SCGB3A2: variants seen among roughly 807,000 people sequenced by gnomAD.
SCGB3A2 encodes the protein secretoglobin family 3A member 2, also known as pneumo secretory protein 1.
In SCGB3A2, 5 loss-of-function variants were observed where a neutral mutation model predicts 7.7. The observed-to-expected ratio is 0.65, with a 90% CI of 0.34 to 1.36. The LOEUF (loss-of-function observed/expected upper bound fraction) is 1.36, where lower values mean the gene tolerates loss of function less well. Ranked by LOEUF, SCGB3A2 falls within the 40% of genes most tolerant of loss-of-function variation. The pLI is 0.04. For synonymous variants in SCGB3A2, 44 were observed against 42.7 expected (o/e 1.03, Z -0.12); for missense variants, 109 against 103.6 (o/e 1.05, Z -0.23).
At chr5:147,881,988 G>A in intron 2 of SCGB3A2, 39 bp from the exon 3 acceptor site, 1 of 1,609,696 alleles carries the variant, frequency 6.2e-7, no homozygotes, top group Non-Finnish European at 8.5e-7. Flanking sequence ...CGAATTACAT[G>A]TAAGCTGCTC....
At chr5:147,881,998 C>G in intron 2 of SCGB3A2, 29 bp from the exon 3 acceptor site, 1 of 1,612,668 alleles carries the variant, frequency 6.2e-7, no homozygotes, top group Non-Finnish European at 8.5e-7. Flanking sequence ...GTAAGCTGCT[C>G]TAAATTTTGT....
intron 1 of SCGB3A2, among the ~76,000 whole-genome samples, chr5:147,879,990 C>A (rs1757319962): frequency 6.6e-6 from 1 of 151,988 alleles, no homozygotes; most frequent in African/African-American, 2.4e-5. Context: ...ATAAATACCG[C>A]CCCCTCTGGG....
intron 2 of SCGB3A2, 128 bp downstream of exon 2, chr5:147,881,776 C>T (rs1048603950): frequency 2.4e-6 from 2 of 820,136 alleles, no homozygotes; most frequent in African/African-American, 3.5e-5. Flanking sequence ...GAAGTTTGCA[C>T]ATCCTGGAAT....
intron 1 of SCGB3A2, among the ~76,000 whole-genome samples, chr5:147,880,077 G>A (rs1757322072): frequency 6.6e-6 from 1 of 151,952 alleles, no homozygotes; most frequent in South Asian, 2.1e-4. Flanking sequence ...AATTTGAATG[G>A]GGAAATAATA....
intron 1 of SCGB3A2, among the ~76,000 whole-genome samples, chr5:147,879,497 C>T (rs1021826291): frequency 5.9e-5 from 9 of 152,194 alleles, no homozygotes; most frequent in Non-Finnish European, 1.0e-4. Context: ...TACTATAATT[C>T]TAGACTACTG....
rs1261602932 is a variant in SCGB3A2 at position 147,878,873 on chromosome 5, T to C, written c.55+15T>C. 1 of 1,578,632 alleles carries C rather than the reference T, an allele frequency of 6.3e-7. No individual in the cohort carries two copies. The highest frequency in any genetic ancestry group is 1.7e-4 in the Middle Eastern group (1 of 6,012). On this transcript the variant is annotated intron_variant, in intron 1 of 2. Transcript: ENST00000296694. ...TAGTTACTCTGGTAAGTAACTGGAA[T>C]ACATCTGGAATATGTGACATTTCTT... is the stretch of plus-strand genomic sequence containing the variant.
rs1480714051 is a variant in SCGB3A2 at position 147,882,059 on chromosome 5, T to G, written c.*9T>G. The G allele has an allele frequency of 6.2e-7, 1 of 1,613,770 alleles. No homozygotes were observed. The highest frequency in any genetic ancestry group is 8.5e-7 in the Non-Finnish European group (1 of 1,179,750). ...TATCACACTTGGTGTGACATCAAGA[T>G]AAAGAGCGGAGGTGGATGGGGATGG... On this transcript the variant is annotated 3_prime_UTR_variant, in exon 3 of 3. Transcript: ENST00000296694.
chr5:147,881,090 C>G (rs1757340716), intron 1 of SCGB3A2: 1 of 222,296 alleles, frequency 4.5e-6, no homozygotes, highest in Non-Finnish European at 8.9e-6. Context: ...CATGGAGCCT[C>G]CATTCTAATG....
chr5:147,881,662 G>A lies in SCGB3A2; in HGVS notation c.258+14G>A. 6.2e-7 allele frequency: 1 copy of A among 1,609,296 alleles called. No individual in the cohort carries two copies. The highest frequency in any genetic ancestry group is 1.1e-5 in the South Asian group (1 of 90,500). The stretch of plus-strand genomic sequence containing the variant: ...AAGAAACTGCTGGTAACCACAGCTT[G>A]GGAGGCTAATCTGCCAAAGGGGAGG... On this transcript the variant is annotated intron_variant, in intron 2 of 2. Coordinates refer to ENST00000296694, the MANE Select transcript of SCGB3A2 (RefSeq NM_054023.5).
At chr5:147,880,938 C>T (rs998096260) in intron 1 of SCGB3A2, 2 of 156,686 alleles carry the variant, frequency 1.3e-5, no homozygotes, top group Non-Finnish European at 1.4e-5. Flanking sequence ...CTCCTTTAGC[C>T]TCAAAGCTGT....
At chr5:147,881,147 A>T in intron 1 of SCGB3A2, 19 of 301,840 alleles carry the variant, frequency 6.3e-5, no homozygotes, top group East Asian at 1.3e-4. Context: ...TGCTTTTTTT[A>T]GGTAATGGTA....
In SCGB3A2 at chr5:147,881,654, CA is replaced by C. The variant is rs1757350672; in HGVS notation, c.258+7del. 1 of 1,611,930 alleles carries C rather than the reference CA, an allele frequency of 6.2e-7. No individual in the cohort carries two copies. Among genetic ancestry groups the C allele is most frequent in the African/African-American group, 1.3e-5 (1 of 74,930 alleles). ...AAGCTGTGAAGAAACTGCTGGTAAC[CA>C]CAGCTTGGGAGGCTAATCTGCCAAA... is the stretch of plus-strand genomic sequence containing the variant. On this transcript the variant is annotated splice_region_variant and intron_variant, in intron 2 of 2. Coordinates refer to ENST00000296694, the MANE Select transcript of SCGB3A2 (RefSeq NM_054023.5).
chr5:147,881,932 A>G, intron 2 of SCGB3A2, 95 bp from the exon 3 acceptor site: 1 of 1,363,216 alleles, frequency 7.3e-7, no homozygotes, highest in East Asian at 2.3e-5. Flanking sequence ...CATCAGTAAA[A>G]TAGTGGCCAA....
chr5:147,882,057 G>A lies in SCGB3A2; in HGVS notation c.*7G>A. On this transcript the variant is annotated 3_prime_UTR_variant, in exon 3 of 3. Transcript: ENST00000296694. The stretch of plus-strand genomic sequence containing the variant: ...GCTATCACACTTGGTGTGACATCAA[G>A]ATAAAGAGCGGAGGTGGATGGGGAT... 6.2e-7 allele frequency: 1 copy of A among 1,613,818 alleles called. No individual in the cohort carries two copies. The highest frequency in any genetic ancestry group is 1.3e-5 in the African/African-American group (1 of 75,032).
chr5:147,881,433 C>G lies in SCGB3A2; in HGVS notation c.56-13C>G. ...GATGTGCCTGTCTCACCTGGTTTCT[C>G]TTTTTCCTGCAGCTACTGCCTTCCT... On this transcript the variant is annotated splice_polypyrimidine_tract_variant and intron_variant, in intron 1 of 2. Transcript: ENST00000296694. 1 of 1,612,852 alleles carries G rather than the reference C, an allele frequency of 6.2e-7. No individual in the cohort carries two copies. The highest frequency in any genetic ancestry group is 8.5e-7 in the Non-Finnish European group (1 of 1,179,028).
chr5:147,881,503 C>T lies in SCGB3A2; in HGVS notation c.113C>T (p.Pro38Leu). 2 of 1,614,020 alleles carry T rather than the reference C, an allele frequency of 1.2e-6. No homozygotes were observed. The highest frequency in any genetic ancestry group is 1.7e-6 in the Non-Finnish European group (2 of 1,179,940). The change falls in exon 2 of 3, where the codon CCT becomes CTT. Residue 38 changes from proline (P) to leucine (L), a missense_variant. Physicochemically the swap from Pro to Leu is moderately conservative, Grantham distance 98. Coordinates refer to ENST00000296694, the MANE Select transcript of SCGB3A2 (RefSeq NM_054023.5). ...CCTGTTGACAAGTTGGCACCTTTAC[C>T]TCTGGACAACATTCTTCCCTTTATG... ...PLPVDKLAPLPLDNILPFMDP... is the reference protein window; with the variant it reads ...PLPVDKLAPLLLDNILPFMDP...
Position 147,878,867 on chromosome 5 carries a change from C to G in SCGB3A2, c.55+9C>G. The G allele has an allele frequency of 6.3e-7, 1 of 1,590,036 alleles. No individual in the cohort carries two copies. Among genetic ancestry groups the G allele is most frequent in the Admixed American group, 1.7e-5 (1 of 59,984 alleles). Reference sequence around the variant, plus strand: ...CCTTTGTAGTTACTCTGGTAAGTAACTGGAATACATCTGGAATATGTGACA... The same window carrying G: ...CCTTTGTAGTTACTCTGGTAAGTAAGTGGAATACATCTGGAATATGTGACA... On this transcript the variant is annotated intron_variant, in intron 1 of 2. Coordinates refer to ENST00000296694, the MANE Select transcript of SCGB3A2 (RefSeq NM_054023.5).
chr5:147,881,143 T>A, intron 1 of SCGB3A2: 1 of 308,048 alleles, frequency 3.2e-6, no homozygotes. Context: ...GAGTTGCTTT[T>A]TTTAGGTAAT....
intron 1 of SCGB3A2, chr5:147,880,785 T>A (rs188270762): frequency 1.3e-5 from 2 of 152,700 alleles, no homozygotes; most frequent in East Asian, 3.9e-4. Flanking sequence ...CATCCTTGTC[T>A]TATTTGTCTA....
Sources: gnomAD v4.1 joint callset for allele counts (sites outside exome capture counted in the v4.1 genomes callset) on GRCh38, gnomAD v4.1.1 for gene constraint, MANE v1.5 for transcripts, NCBI Gene and HGNC (gene_info 2026-07-23, HGNC 2026-07-21) for gene names.